ZNF346: variants seen among roughly 807,000 people sequenced by gnomAD.
The protein encoded by ZNF346 is zinc finger protein 346.
In ZNF346, 23 loss-of-function variants were observed where a neutral mutation model predicts 33.7. The ratio of observed to expected loss-of-function variants is 0.68; its 90% CI spans 0.49 to 0.97. The LOEUF is 0.97. Ranked by LOEUF, ZNF346 falls within the 50% of genes least tolerant of loss-of-function variation. The pLI, the probability that ZNF346 is intolerant of heterozygous loss-of-function variation, is 0.00. For missense variants in ZNF346, 340 were observed against 371.1 expected (o/e 0.92, Z 0.69); for synonymous variants, 134 against 142.4 (o/e 0.94, Z 0.42).
intron 1 of ZNF346, 69 bp downstream of exon 1, chr5:177,022,982 G>C (rs2149561941): frequency 7.0e-7 from 1 of 1,438,418 alleles, no homozygotes; most frequent in Non-Finnish European, 9.1e-7. Flanking sequence ...CTGCGGAAGC[G>C]CCGACGGTCA....
chr5:177,064,706 C>A lies in ZNF346; in HGVS notation c.*107C>A. On this transcript the variant is annotated 3_prime_UTR_variant, in exon 7 of 7. Transcript: ENST00000358149. ...TCGTTGTTCTCACCAGGAAAGTACACGGGCCTGAGGCAGGATTGGGCCACA... is the reference window on the plus strand; with the variant it reads ...TCGTTGTTCTCACCAGGAAAGTACAAGGGCCTGAGGCAGGATTGGGCCACA... The A allele has an allele frequency of 1.1e-6, 1 of 882,430 alleles. No homozygotes were observed. Among genetic ancestry groups the A allele is most frequent in the Non-Finnish European group, 1.9e-6 (1 of 534,258 alleles). 54.7% of individuals were successfully genotyped at this position (882,430 alleles called of 1,614,324 possible).
chr5:177,060,743 G>A (rs977827729), intron 5 of ZNF346, among the ~76,000 whole-genome samples: 3 of 152,126 alleles, frequency 2.0e-5, no homozygotes, highest in Non-Finnish European at 4.4e-5. Context: ...GGGAGGCAGA[G>A]GTTGCAGGGA....
intron 2 of ZNF346, 86 bp from the exon 3 acceptor site, chr5:177,041,692 A>G: frequency 1.2e-6 from 1 of 850,088 alleles, no homozygotes; most frequent in Non-Finnish European, 1.9e-6. Flanking sequence ...AGGATGAATC[A>G]GATGAAAATC....
intron 8 of ZNF346, among the ~76,000 whole-genome samples, chr5:177,074,368 GC>G (rs147532206): frequency 0.026 from 3,905 of 152,336 alleles, 77 homozygotes; most frequent in South Asian, 0.093. Flanking sequence ...AATGTCTCGA[GC>G]CCAGAGCTGT....
chr5:177,075,003 T>C (rs1783676870), intron 8 of ZNF346, among the ~76,000 whole-genome samples: 1 of 151,416 alleles, frequency 6.6e-6, no homozygotes, highest in African/African-American at 2.4e-5. Context: ...GAGGCGAAGC[T>C]TGCAGTGAGC....
At chr5:177,044,683 G>A (rs1400634873) in intron 4 of ZNF346, 150 bp downstream of exon 4, 6 of 789,188 alleles carry the variant, frequency 7.6e-6, no homozygotes, top group African/African-American at 1.7e-5. Flanking sequence ...AGTAGACCCA[G>A]CTTCACTGAA....
intron 5 of ZNF346, chr5:177,052,955 T>A (rs1781155865): frequency 6.6e-6 from 1 of 152,136 alleles, no homozygotes; most frequent in Non-Finnish European, 1.5e-5. Context: ...AATCTTCTGC[T>A]GACTTGCAGG....
intron 6 of ZNF346, among the ~76,000 whole-genome samples, chr5:177,064,086 C>T (rs1290642583): frequency 2.0e-5 from 3 of 152,164 alleles, no homozygotes; most frequent in Non-Finnish European, 4.4e-5. Context: ...CACTTAGTTA[C>T]TTGCAGTTAG....
At chr5:177,069,452 C>CA (rs71299775), downstream of ZNF346, among the ~76,000 whole-genome samples, 62,692 of 142,996 alleles carry the variant, frequency 0.44, 13,524 homozygotes, top group East Asian at 0.48. Context: ...GACTCTGTCT[C>CA]AAAAAAAAAA....
chr5:177,055,649 C>A (rs1010813000), intron 5 of ZNF346, among the ~76,000 whole-genome samples: 3 of 149,658 alleles, frequency 2.0e-5, no homozygotes. Context: ...TGATTAAAAT[C>A]GAAAACTAGG....
At chr5:177,073,314 T>C (rs1415624017) in intron 8 of ZNF346, among the ~76,000 whole-genome samples, 6 of 152,192 alleles carry the variant, frequency 3.9e-5, no homozygotes, top group Admixed American at 2.6e-4. Context: ...TTATTTTGTT[T>C]GTTTTTTGAA....
intron 8 of ZNF346, among the ~76,000 whole-genome samples, chr5:177,073,017 C>A (rs1783577627): frequency 6.6e-6 from 1 of 152,362 alleles, no homozygotes; most frequent in South Asian, 2.1e-4. Context: ...TCACTGGCCC[C>A]CAAGGCCAAG....
intron 6 of ZNF346, among the ~76,000 whole-genome samples, chr5:177,063,175 CA>C (rs1468664608): frequency 2.0e-5 from 3 of 151,998 alleles, no homozygotes; most frequent in Non-Finnish European, 4.4e-5. Flanking sequence ...GCTGGGATTA[CA>C]GGCATGAGCC....
intron 4 of ZNF346, 25 bp from the exon 5 acceptor site, chr5:177,050,726 C>A (rs779892693): frequency 6.2e-7 from 1 of 1,613,988 alleles, no homozygotes; most frequent in African/African-American, 1.3e-5. Context: ...CCTTACAAAT[C>A]CTTTCCTTGT....
intron 5 of ZNF346, among the ~76,000 whole-genome samples, chr5:177,055,056 CAG>C (rs940994296): frequency 3.7e-5 from 5 of 135,930 alleles, no homozygotes; most frequent in Non-Finnish European, 7.7e-5. Flanking sequence ...TTTTTTGAGA[CAG>C]AGTCTCATTC....
chr5:177,026,498 T>C (rs968840749), intron 1 of ZNF346, among the ~76,000 whole-genome samples: 1 of 151,796 alleles, frequency 6.6e-6, no homozygotes, highest in Non-Finnish European at 1.5e-5. Flanking sequence ...TAGCTGGGAT[T>C]ACAGGAGGGT....
chr5:177,048,024 G>C (rs1780328645), intron 4 of ZNF346, among the ~76,000 whole-genome samples: 1 of 152,108 alleles, frequency 6.6e-6, no homozygotes, highest in Non-Finnish European at 1.5e-5. Context: ...AGCATTTTTA[G>C]TGACTGCATC....
chr5:177,040,557 C>G (rs1304021944), intron 1 of ZNF346, among the ~76,000 whole-genome samples: 1 of 152,168 alleles, frequency 6.6e-6, no homozygotes. Context: ...GTTGGCCAGG[C>G]TGGTCTCGAA....
At chr5:177,034,203 C>T (rs967772896) in intron 1 of ZNF346, among the ~76,000 whole-genome samples, 3 of 142,880 alleles carry the variant, frequency 2.1e-5, no homozygotes, top group Non-Finnish European at 4.6e-5. Context: ...TCCTTTCTTT[C>T]TTTTTTTTTT....
Sources: gnomAD v4.1 joint callset for allele counts (sites outside exome capture counted in the v4.1 genomes callset) on GRCh38, gnomAD v4.1.1 for gene constraint, MANE v1.5 for transcripts, NCBI Gene and HGNC (gene_info 2026-07-23, HGNC 2026-07-21) for gene names.